The following KCNH8 variants were observed in gnomAD, a reference collection of about 807,000 sequenced individuals.
The protein encoded by KCNH8 is potassium voltage-gated channel subfamily H member 8.
Under a neutral mutation model 103.6 loss-of-function variants are expected in KCNH8, and 70 were observed. That is an observed-to-expected ratio of 0.68 (90% CI 0.56 to 0.82). The LOEUF is 0.82. Among genes scored for constraint, KCNH8 ranks in the 40% least tolerant of loss-of-function variants. The probability of loss-of-function intolerance (pLI) is 0.00; values close to 1 mark genes in which losing one functional copy is unlikely to be tolerated. For synonymous variants in KCNH8, 498 were observed against 489.4 expected (o/e 1.02, Z -0.23); for missense variants, 1,217 against 1,329.9 (o/e 0.92, Z 1.32).
intron 3 of KCNH8, among the ~76,000 whole-genome samples, chr3:19,300,521 C>T (rs1386479560): frequency 6.6e-6 from 1 of 152,158 alleles, no homozygotes; most frequent in Non-Finnish European, 1.5e-5. Flanking sequence ...TATCATATAA[C>T]TGTGCTTGAT....
At chr3:19,458,864 C>T (rs1452230679) in intron 11 of KCNH8, among the ~76,000 whole-genome samples, 3 of 151,918 alleles carry the variant, frequency 2.0e-5, no homozygotes, top group African/African-American at 7.2e-5. Flanking sequence ...TCTTTCTATA[C>T]GTGGCATATT....
rs571591417 is a variant in KCNH8, at chr3:19,308,791, T to C, written c.442+27462T>C. ...CTCCCTCCCTCTCTCTCTCTCCCTC[T>C]CTCTCTCTCCCTTTCTCCCTCTCTC... On this transcript the variant is annotated intron_variant, in intron 3 of 15. Transcript: ENST00000328405. 1.2e-4 allele frequency among the ~76,000 whole-genome samples: 16 copies of C among 134,836 alleles called. 1 individual carries two copies. The highest frequency in any genetic ancestry group is 2.5e-4 in the South Asian group (1 of 3,966). 88.5% of individuals were successfully genotyped at this position (134,836 alleles called of 152,430 possible). A position where few individuals can be genotyped will look rare whatever the true frequency, so the allele number is the denominator to read the frequency against.
rs552768258 is a variant in KCNH8 at position 19,313,338 on chromosome 3, C to T, written c.443-29249C>T. Among the ~76,000 whole-genome samples the T allele has an allele frequency of 2.0e-5, 3 of 152,020 alleles. No individual in the cohort carries two copies. In the East Asian group the frequency reaches 5.8e-4, roughly 30 times the overall value. On this transcript the variant is annotated intron_variant, in intron 3 of 15. Transcript: ENST00000328405. Reference sequence around the variant, plus strand: ...CAGGAGTTACAGTTTCAAGTCCTGTCTCTCCCACTAGTTAGCACTGTGATC... The same window carrying T: ...CAGGAGTTACAGTTTCAAGTCCTGTTTCTCCCACTAGTTAGCACTGTGATC...
chr3:19,313,213 AG>A (rs2065228791), intron 3 of KCNH8, among the ~76,000 whole-genome samples: 1 of 151,882 alleles, frequency 6.6e-6, no homozygotes, highest in African/African-American at 2.4e-5. Context: ...AAGGGGGCTT[AG>A]GATTATTTAT....
At chr3:19,518,151 A>T (rs1213556712) in intron 15 of KCNH8, 77 bp downstream of exon 15, 2 of 1,134,748 alleles carry the variant, frequency 1.8e-6, no homozygotes, top group Admixed American at 3.8e-5. Context: ...AAGCAGTGTA[A>T]TATAGTAGTT....
At chr3:19,419,903 G>C (rs564321811) in intron 7 of KCNH8, among the ~76,000 whole-genome samples, 1 of 152,112 alleles carries the variant, frequency 6.6e-6, no homozygotes, top group East Asian at 1.9e-4. Flanking sequence ...CTATTATAAT[G>C]ATACTTAAAA....
intron 2 of KCNH8, among the ~76,000 whole-genome samples, chr3:19,270,502 A>G (rs2064573075): frequency 6.6e-6 from 1 of 152,158 alleles, no homozygotes; most frequent in African/African-American, 2.4e-5. Context: ...GAGTAACGCA[A>G]GGATAAGCTT....
At chr3:19,500,196 C>T (rs2068546086) in intron 11 of KCNH8, among the ~76,000 whole-genome samples, 1 of 152,168 alleles carries the variant, frequency 6.6e-6, no homozygotes, top group Non-Finnish European at 1.5e-5. Flanking sequence ...CAAAGAACGC[C>T]ATTACTTAAT....
chr3:19,233,606 G>C (rs2064022601), intron 1 of KCNH8, among the ~76,000 whole-genome samples: 1 of 152,100 alleles, frequency 6.6e-6, no homozygotes, highest in Admixed American at 6.6e-5. Flanking sequence ...ACATTGATGA[G>C]AAAAAAACAT....
chr3:19,488,043 C>T lies in KCNH8; in HGVS notation c.2041-22320C>T, dbSNP rs190691377. On this transcript the variant is annotated intron_variant, in intron 11 of 15. Transcript: ENST00000328405. The stretch of plus-strand genomic sequence containing the variant: ...TCCTTGCCTCCAATTGTAATCCTGA[C>T]GGCAGGCTCCTTGGGGGCGCTTCAG... Among the ~76,000 whole-genome samples, 325 of 152,274 alleles carry T rather than the reference C, an allele frequency of 2.1e-3. 1 individual carries two copies. The highest frequency in any genetic ancestry group is 6.8e-3 in the Middle Eastern group (2 of 294).
intron 7 of KCNH8, among the ~76,000 whole-genome samples, chr3:19,432,147 G>C (rs925905807): frequency 6.6e-6 from 1 of 152,036 alleles, no homozygotes; most frequent in Non-Finnish European, 1.5e-5. Flanking sequence ...CATATTATAT[G>C]GTCTAATTTA....
chr3:19,162,102 G>T (rs528607017), intron 1 of KCNH8, among the ~76,000 whole-genome samples: 4 of 151,960 alleles, frequency 2.6e-5, no homozygotes, highest in Non-Finnish European at 4.4e-5. Context: ...GAAATCACTT[G>T]AAAATATTTA....
intron 1 of KCNH8, among the ~76,000 whole-genome samples, chr3:19,241,682 G>A (rs1053484484): frequency 2.6e-5 from 4 of 151,780 alleles, no homozygotes; most frequent in Admixed American, 6.6e-5. Flanking sequence ...GTGTGTGTAT[G>A]TGTGTCTCAG....
chr3:19,196,628 G>A (rs1302891203), intron 1 of KCNH8, among the ~76,000 whole-genome samples: 1 of 152,000 alleles, frequency 6.6e-6, no homozygotes, highest in Non-Finnish European at 1.5e-5. Flanking sequence ...GTCTGTGGAT[G>A]TGTGAATACA....
intron 11 of KCNH8, among the ~76,000 whole-genome samples, chr3:19,500,364 T>A (rs1455771717): frequency 6.6e-6 from 1 of 152,074 alleles, no homozygotes; most frequent in African/African-American, 2.4e-5. Flanking sequence ...ACTGTCAACA[T>A]TAGACAGATC....
rs80117691 is a variant in KCNH8 at position 19,425,524 on chromosome 3, G to C, written c.1178-12640G>C. Among the ~76,000 whole-genome samples the C allele has an allele frequency of 3.9e-5, 6 of 152,244 alleles. No individual in the cohort carries two copies. In the East Asian group the frequency reaches 1.2e-3, roughly 29 times the overall value. On this transcript the variant is annotated intron_variant, in intron 7 of 15. Coordinates refer to ENST00000328405, the MANE Select transcript of KCNH8 (RefSeq NM_144633.3). Reference sequence around the variant, plus strand: ...TTTTTAATTAGCTAATTAAGGGCTAGAGACTGTCGGAGAGATGGACTCAAT... The same window carrying C: ...TTTTTAATTAGCTAATTAAGGGCTACAGACTGTCGGAGAGATGGACTCAAT...
chr3:19,333,119 T>C (rs918927949), intron 3 of KCNH8, among the ~76,000 whole-genome samples: 1 of 152,192 alleles, frequency 6.6e-6, no homozygotes, highest in Non-Finnish European at 1.5e-5. Context: ...TTAGTGTTTT[T>C]AAACATCTTT....
chr3:19,300,848 A>G (rs1433753682), intron 3 of KCNH8, among the ~76,000 whole-genome samples: 3 of 151,492 alleles, frequency 2.0e-5, no homozygotes, highest in African/African-American at 2.4e-5. Context: ...AAAATATTAA[A>G]TTTTTAACTC....
chr3:19,413,401 G>A (rs1315367510), intron 7 of KCNH8, among the ~76,000 whole-genome samples: 4 of 151,872 alleles, frequency 2.6e-5, no homozygotes, highest in South Asian at 2.1e-4. Context: ...GGAGGGAGAA[G>A]GGCAAGAGTT....
Sources: allele counts gnomAD v4.1 joint callset (sites outside exome capture counted in the v4.1 genomes callset), GRCh38; gene constraint gnomAD v4.1.1; transcripts MANE v1.5; gene names NCBI Gene and HGNC (gene_info 2026-07-23, HGNC 2026-07-21).